PPP1R42: variants seen among roughly 807,000 people sequenced by gnomAD.
PPP1R42 encodes leucine rich repeat containing 67.
Under a neutral mutation model 31.0 loss-of-function variants are expected in PPP1R42, and 34 were observed. The ratio of observed to expected loss-of-function variants is 1.10; its 90% confidence interval spans 0.83 to 1.46. The LOEUF (loss-of-function observed/expected upper bound fraction) is 1.46. PPP1R42 is among the 40% of genes most tolerant of loss of function. The probability of loss-of-function intolerance (pLI) is 0.00; values close to 1 mark genes in which losing one functional copy is unlikely to be tolerated. For synonymous variants in PPP1R42, 103 were observed against 109.8 expected (o/e 0.94, Z 0.39); for missense variants, 268 against 303.0 (o/e 0.88, Z 0.86).
chr8:67,019,760 C>T (rs1400362135), intron 1 of PPP1R42, among the ~76,000 whole-genome samples: 4 of 151,298 alleles, frequency 2.6e-5, no homozygotes, highest in South Asian at 4.2e-4. Context: ...TGGTGGCGGG[C>T]GCCTGTAGTC....
At chr8:66,986,180 C>T in intron 6 of PPP1R42, 1 of 604,236 alleles carries the variant, frequency 1.7e-6, no homozygotes, top group South Asian at 1.6e-5. Context: ...ACTGTCTTCT[C>T]ACCCACCTTG....
At chr8:67,002,816 A>G (rs2129536636) in intron 5 of PPP1R42, among the ~76,000 whole-genome samples, 1 of 148,808 alleles carries the variant, frequency 6.7e-6, no homozygotes, top group South Asian at 2.1e-4. Context: ...TTCTTGTACA[A>G]TGGCTAATCT....
intron 1 of PPP1R42, 58 bp from the exon 2 acceptor site, chr8:67,017,889 T>C: frequency 1.2e-6 from 1 of 853,284 alleles, no homozygotes; most frequent in Admixed American, 4.0e-5. Flanking sequence ...GGAAAAGTTA[T>C]TCTGACTTAC....
intron 6 of PPP1R42, chr8:66,985,966 T>G: frequency 1.3e-6 from 1 of 753,836 alleles, no homozygotes; most frequent in East Asian, 2.5e-5. Flanking sequence ...AGCTTTCGTT[T>G]TCTGCTTCCG....
chr8:66,967,384 A>G (rs1246638232), intron 7 of PPP1R42, among the ~76,000 whole-genome samples: 1 of 152,222 alleles, frequency 6.6e-6, no homozygotes, highest in Non-Finnish European at 1.5e-5. Context: ...TTAGCATTAT[A>G]CCTACATTAC....
intron 6 of PPP1R42, chr8:66,985,893 G>A: frequency 2.0e-6 from 2 of 979,938 alleles, no homozygotes; most frequent in Non-Finnish European, 3.2e-6. Flanking sequence ...TGGGGTATTT[G>A]CTGCTTCTTT....
At chr8:67,027,427 T>C (rs1187885737) in intron 1 of PPP1R42, among the ~76,000 whole-genome samples, 1 of 152,188 alleles carries the variant, frequency 6.6e-6, no homozygotes, top group African/African-American at 2.4e-5. Flanking sequence ...GGAAGGTCAA[T>C]GGACCTCATC....
At chr8:67,001,247 G>T in intron 5 of PPP1R42, among the ~76,000 whole-genome samples, 4 of 137,890 alleles carry the variant, frequency 2.9e-5, no homozygotes, top group Admixed American at 7.5e-5. Context: ...TTAAAGCATA[G>T]ATAACAAGAC....
chr8:66,983,512 T>C (rs897906310), intron 6 of PPP1R42, among the ~76,000 whole-genome samples: 17 of 152,118 alleles, frequency 1.1e-4, no homozygotes, highest in African/African-American at 4.1e-4. Context: ...AGATTTTTTC[T>C]AATAAAATTT....
In PPP1R42 at chr8:66,972,877, G is replaced by T. The variant is rs143369482; in HGVS notation, c.803-8543C>A. On this transcript the variant is annotated intron_variant, in intron 7 of 7. Transcript: ENST00000685739. ...AAATTGAAGTGAATTTCTAAGTAGA[G>T]CATTATTGCTTTAGAACATTAATTG... Among the ~76,000 whole-genome samples, 7 of 152,154 alleles carry T rather than the reference G, an allele frequency of 4.6e-5. No homozygotes were observed. The East Asian group carries it at 1.4e-3, about 29-fold the overall frequency.
chr8:66,984,086 C>T, intron 6 of PPP1R42: 1 of 1,521,990 alleles, frequency 6.6e-7, no homozygotes. Context: ...AGTGAGAGGA[C>T]AGAAGAGACA....
intron 1 of PPP1R42, among the ~76,000 whole-genome samples, 191 bp from the exon 2 acceptor site, chr8:67,018,022 T>C (rs970624091): frequency 3.9e-5 from 6 of 152,198 alleles, no homozygotes; most frequent in Non-Finnish European, 8.8e-5. Context: ...AGCATCAAAA[T>C]TAAACGCACA....
chr8:66,997,722 A>T (rs1184855806), intron 5 of PPP1R42, among the ~76,000 whole-genome samples: 1 of 151,596 alleles, frequency 6.6e-6, no homozygotes, highest in Non-Finnish European at 1.5e-5. Context: ...TTTTAAAAAA[A>T]AAAACACCTT....
At chr8:66,986,237 G>C in intron 6 of PPP1R42, 5 of 532,560 alleles carry the variant, frequency 9.4e-6, no homozygotes, top group South Asian at 6.9e-5. Flanking sequence ...ACCGCGCCCT[G>C]CCTGACATCA....
At chr8:66,977,348 T>G (rs1446997641) in intron 7 of PPP1R42, among the ~76,000 whole-genome samples, 1 of 150,956 alleles carries the variant, frequency 6.6e-6, no homozygotes, top group Non-Finnish European at 1.5e-5. Context: ...TTTTTTTTTT[T>G]TTTTTAAGAG....
intron 7 of PPP1R42, chr8:66,968,609 T>C (rs1055964990): frequency 1.4e-5 from 5 of 359,858 alleles, no homozygotes; most frequent in African/African-American, 1.1e-4. Context: ...TATTTTGTTT[T>C]TAACACTTTA....
At chr8:66,964,716 GT>G (rs1357311163) in intron 7 of PPP1R42, among the ~76,000 whole-genome samples, 1 of 151,974 alleles carries the variant, frequency 6.6e-6, no homozygotes, top group Non-Finnish European at 1.5e-5. Flanking sequence ...TGTTTTATAT[GT>G]ATATAAAACA....
At chr8:66,990,068 A>G (rs1449973029) in intron 5 of PPP1R42, among the ~76,000 whole-genome samples, 1 of 152,234 alleles carries the variant, frequency 6.6e-6, no homozygotes, top group African/African-American at 2.4e-5. Context: ...TTATCTTCAT[A>G]AATTATAACT....
intron 4 of PPP1R42, among the ~76,000 whole-genome samples, chr8:67,011,070 A>G (rs1272986644): frequency 6.6e-6 from 1 of 151,992 alleles, no homozygotes; most frequent in Non-Finnish European, 1.5e-5. Flanking sequence ...CATAAGTCAT[A>G]TTTTTCTTTT....
Sources: gnomAD v4.1 joint callset for allele counts (sites outside exome capture counted in the v4.1 genomes callset) on GRCh38, gnomAD v4.1.1 for gene constraint, MANE v1.5 for transcripts, NCBI Gene and HGNC (gene_info 2026-07-23, HGNC 2026-07-21) for gene names.